FBXL2: variants seen among roughly 807,000 people sequenced by gnomAD.
FBXL2 encodes F-box/LRR-repeat protein 2.
A neutral mutation model predicts 69.2 loss-of-function variants in FBXL2; 38 were observed. The observed-to-expected ratio is 0.55, with a 90% CI of 0.42 to 0.72. The LOEUF is 0.72. Ranked by LOEUF, FBXL2 falls within the 30% of genes least tolerant of loss-of-function variation. The pLI is 0.00. For synonymous variants in FBXL2, 192 were observed against 201.3 expected, an observed-to-expected ratio of 0.95 and a Z score of 0.39; for missense variants, 354 against 520.3, an observed-to-expected ratio of 0.68 and a Z score of 3.11.
At chr3:33,396,286 A>G (rs772831413) in intron 12 of FBXL2, 12 of 1,570,182 alleles carry the variant, frequency 7.6e-6, no homozygotes. Flanking sequence ...CCGACCTGCA[A>G]TCAGAAGATG....
intron 12 of FBXL2, chr3:33,403,199 T>G: frequency 3.3e-6 from 1 of 300,832 alleles, no homozygotes; most frequent in East Asian, 1.2e-4. Context: ...TTGAAGAGCT[T>G]TCTCCTCCCT....
chr3:33,409,258 T>C, the FBXL2 span: 83 of 1,614,132 alleles, frequency 5.1e-5, no homozygotes, highest in Non-Finnish European at 6.6e-5. Flanking sequence ...TGTGGTATCA[T>C]AGGACGGCTG....
chr3:33,287,997 G>T (rs2034825774), intron 1 of FBXL2, among the ~76,000 whole-genome samples: 1 of 152,134 alleles, frequency 6.6e-6, no homozygotes, highest in Non-Finnish European at 1.5e-5. Flanking sequence ...GGACAGCTAT[G>T]GGTTGGCTAC....
Position 33,358,947 on chromosome 3 carries a change from T to G in FBXL2, c.66-20T>G, listed in dbSNP as rs1337148514. The G allele has an allele frequency of 6.7e-7, 1 of 1,493,676 alleles. No homozygotes were observed. The highest frequency in any genetic ancestry group is 2.1e-5 in the Admixed American group (1 of 48,382). The allele number at this position is 1,493,676 out of a possible 1,614,324, so 92.5% of individuals were successfully genotyped here. On this transcript the variant is annotated intron_variant, in intron 2 of 14. Transcript: ENST00000484457. Reference sequence around the variant, plus strand: ...ATGTTAACACCATCTCGTTTTTGTGTTTTTTTCCTCTCTCTGTAGAATATT... The same window carrying G: ...ATGTTAACACCATCTCGTTTTTGTGGTTTTTTCCTCTCTCTGTAGAATATT...
At chr3:33,336,170 A>T (rs1445768781) in intron 2 of FBXL2, among the ~76,000 whole-genome samples, 1 of 152,226 alleles carries the variant, frequency 6.6e-6, no homozygotes, top group Non-Finnish European at 1.5e-5. Context: ...AAAGTTGAGG[A>T]CTTACATGGC....
chr3:33,349,808 C>G (rs1288656321), intron 2 of FBXL2, among the ~76,000 whole-genome samples: 1 of 152,084 alleles, frequency 6.6e-6, no homozygotes, highest in African/African-American at 2.4e-5. Flanking sequence ...ATGGAAAGGA[C>G]TAATTCCTTG....
At chr3:33,393,473 AAAG>A (rs1173345384) in intron 12 of FBXL2, 10 of 1,594,612 alleles carry the variant, frequency 6.3e-6, no homozygotes, top group Admixed American at 1.8e-5. Flanking sequence ...AAAAAAAAAA[AAAG>A]AAAAGCATTT....
chr3:33,324,598 A>C (rs915685222), intron 2 of FBXL2, among the ~76,000 whole-genome samples: 1 of 152,128 alleles, frequency 6.6e-6, no homozygotes, highest in Non-Finnish European at 1.5e-5. Flanking sequence ...GGTTTGTCAA[A>C]GATCAGGTGG....
intron 2 of FBXL2, among the ~76,000 whole-genome samples, chr3:33,307,529 G>T (rs558836885): frequency 6.6e-6 from 1 of 152,074 alleles, no homozygotes; most frequent in Admixed American, 6.5e-5. Flanking sequence ...AATAATATCT[G>T]TAGATTAGAT....
chr3:33,383,809 G>T, intron 13 of FBXL2, 180 bp from the exon 14 acceptor site: 1 of 598,004 alleles, frequency 1.7e-6, no homozygotes, highest in Non-Finnish European at 3.0e-6. Context: ...AATTTGTAAT[G>T]AACAGAAACT....
At chr3:33,369,565 G>A (rs2042160631) in intron 5 of FBXL2, among the ~76,000 whole-genome samples, 1 of 151,876 alleles carries the variant, frequency 6.6e-6, no homozygotes, top group South Asian at 2.1e-4. Context: ...AATAGATTTA[G>A]TATCTTTAAC....
At chr3:33,304,216 G>A (rs563342453) in intron 2 of FBXL2, among the ~76,000 whole-genome samples, 1 of 151,920 alleles carries the variant, frequency 6.6e-6, no homozygotes, top group East Asian at 1.9e-4. Context: ...TCCATGCATT[G>A]CCCTCTTTTA....
chr3:33,357,531 CTT>C (rs11425930), intron 2 of FBXL2, among the ~76,000 whole-genome samples: 22 of 129,394 alleles, frequency 1.7e-4, no homozygotes, highest in East Asian at 4.5e-4. Context: ...TCCACTGAGT[CTT>C]TTTTTTTTTT....
chr3:33,383,921 C>G, intron 13 of FBXL2, 68 bp from the exon 14 acceptor site: 4 of 1,514,954 alleles, frequency 2.6e-6, no homozygotes, highest in Non-Finnish European at 3.7e-6. Context: ...TAGCTTCCAG[C>G]TTTTTTTTAG....
chr3:33,362,421 A>G (rs2041687379), intron 4 of FBXL2, among the ~76,000 whole-genome samples: 1 of 152,190 alleles, frequency 6.6e-6, no homozygotes, highest in East Asian at 1.9e-4. Flanking sequence ...TGCCTATAAC[A>G]TATTGTCTAG....
At chr3:33,373,981 C>A in intron 9 of FBXL2, 60 bp downstream of exon 9, 1 of 1,531,548 alleles carries the variant, frequency 6.5e-7, no homozygotes, top group Non-Finnish European at 9.0e-7. Flanking sequence ...AAGCAGTCTG[C>A]CTCAGGCCTC....
At chr3:33,279,849 A>G (rs1481566401) in intron 1 of FBXL2, among the ~76,000 whole-genome samples, 2 of 152,182 alleles carry the variant, frequency 1.3e-5, no homozygotes, top group African/African-American at 2.4e-5. Context: ...CCTATTTTAG[A>G]GATGAGGAAA....
Position 33,373,179 on chromosome 3 carries a change from T to G in FBXL2, c.359+19T>G, listed in dbSNP as rs76631671. ...CTGACAGGTAAGTAATGAAGATTAA[T>G]TGGTGACCAAATAGCCACGGGGAGA... On this transcript the variant is annotated intron_variant, in intron 6 of 14. Coordinates refer to ENST00000484457, the MANE Select transcript of FBXL2 (RefSeq NM_012157.5). 1,728 of 1,613,214 alleles carry G rather than the reference T, an allele frequency of 1.1e-3. 12 individuals are homozygous for G. The African/African-American group carries it at 0.017, about 16-fold the overall frequency.
chr3:33,318,247 C>G (rs1300805604), intron 2 of FBXL2, among the ~76,000 whole-genome samples: 1 of 152,110 alleles, frequency 6.6e-6, no homozygotes, highest in Non-Finnish European at 1.5e-5. Flanking sequence ...CTTGGTTGTT[C>G]TGTTTAACAG....
Sources: gnomAD v4.1 joint callset for allele counts (sites outside exome capture counted in the v4.1 genomes callset) on GRCh38, gnomAD v4.1.1 for gene constraint, MANE v1.5 for transcripts, NCBI Gene and HGNC (gene_info 2026-07-23, HGNC 2026-07-21) for gene names.